The following CCDC12 variants were observed in gnomAD, a reference collection of about 807,000 sequenced individuals.
CCDC12 encodes the protein coiled-coil domain-containing protein 12.
In CCDC12, 28 loss-of-function variants were observed where a neutral mutation model predicts 25.7. That is an observed-to-expected ratio of 1.09 (90% confidence interval 0.81 to 1.50). The LOEUF (loss-of-function observed/expected upper bound fraction) is 1.50. Among genes scored for constraint, CCDC12 ranks in the 40% most tolerant of loss-of-function variants. The pLI is 0.00. For synonymous variants in CCDC12, 75 were observed against 87.7 expected (o/e 0.86, Z 0.81); for missense variants, 198 against 210.0 (o/e 0.94, Z 0.35).
chr3:46,953,874 C>T (rs745851536), intron 1 of CCDC12, among the ~76,000 whole-genome samples: 17 of 152,144 alleles, frequency 1.1e-4, no homozygotes, highest in Non-Finnish European at 2.2e-4. Flanking sequence ...CACCTCCCCA[C>T]CCTCTCACCC....
At chr3:46,932,336 AG>A (rs1295142855) in intron 2 of CCDC12, among the ~76,000 whole-genome samples, 1 of 152,236 alleles carries the variant, frequency 6.6e-6, no homozygotes, top group East Asian at 1.9e-4. Context: ...ATGAGGGCAA[AG>A]GACAATTTAG....
intron 1 of CCDC12, among the ~76,000 whole-genome samples, chr3:46,950,659 T>G (rs1004803174): frequency 6.6e-6 from 1 of 152,312 alleles, no homozygotes; most frequent in African/African-American, 2.4e-5. Flanking sequence ...TGGAGCACAT[T>G]ATCCTTTTCT....
intron 1 of CCDC12, among the ~76,000 whole-genome samples, chr3:46,965,753 G>A (rs2034618501): frequency 6.6e-6 from 1 of 152,200 alleles, no homozygotes; most frequent in Non-Finnish European, 1.5e-5. Context: ...GATTGGCCCT[G>A]TGTGATTGTG....
At chr3:46,943,012 T>C (rs1471154298) in intron 1 of CCDC12, among the ~76,000 whole-genome samples, 2 of 151,938 alleles carry the variant, frequency 1.3e-5, no homozygotes, top group African/African-American at 4.8e-5. Flanking sequence ...AGGCAGGCAA[T>C]GGCCGAACAC....
chr3:46,976,797 A>C, upstream of CCDC12: 1 of 1,551,004 alleles, frequency 6.4e-7, no homozygotes, highest in Non-Finnish European at 8.7e-7. Flanking sequence ...AGAGTGGATA[A>C]ATGTCTCGCG....
intron 1 of CCDC12, among the ~76,000 whole-genome samples, chr3:46,944,570 C>T (rs1423570122): frequency 6.6e-6 from 1 of 151,854 alleles, no homozygotes; most frequent in African/African-American, 2.4e-5. Context: ...CACTCAATAC[C>T]CTTCCCAAAT....
rs73831444 is a variant in CCDC12 at position 46,967,938 on chromosome 3, C to T, written c.96+8699G>A. Among the ~76,000 whole-genome samples, 323 of 152,276 alleles carry T rather than the reference C, an allele frequency of 2.1e-3. 3 individuals carry two copies. The highest frequency in any genetic ancestry group is 7.5e-3 in the African/African-American group (310 of 41,550). Reference sequence around the variant, plus strand: ...GAATTTATAGGCTATATACCAAGACCACAATAGGTCTGAGGTAGGGCCAGA... The same window carrying T: ...GAATTTATAGGCTATATACCAAGACTACAATAGGTCTGAGGTAGGGCCAGA... On this transcript the variant is annotated intron_variant, in intron 1 of 6. Coordinates refer to ENST00000683445, the MANE Select transcript of CCDC12 (RefSeq NM_001277074.2).
chr3:46,953,717 C>G (rs1230035612), intron 1 of CCDC12, among the ~76,000 whole-genome samples: 1 of 151,996 alleles, frequency 6.6e-6, no homozygotes, highest in Non-Finnish European at 1.5e-5. Flanking sequence ...CACACACCAG[C>G]GTCCCTCTGC....
chr3:46,970,611 C>T (rs960800246), intron 1 of CCDC12, among the ~76,000 whole-genome samples: 8 of 152,246 alleles, frequency 5.3e-5, no homozygotes, highest in Non-Finnish European at 1.2e-4. Context: ...ACAGCCAGAC[C>T]TCAGCCCCAA....
chr3:46,931,894 G>A (rs899024698), intron 2 of CCDC12, among the ~76,000 whole-genome samples: 1 of 152,204 alleles, frequency 6.6e-6, no homozygotes, highest in Non-Finnish European at 1.5e-5. Flanking sequence ...AGACACTGGA[G>A]CTCTGCCAGG....
chr3:46,966,671 G>A lies in CCDC12; in HGVS notation c.96+9966C>T, dbSNP rs74593735. On this transcript the variant is annotated intron_variant, in intron 1 of 6. Transcript: ENST00000683445. The stretch of plus-strand genomic sequence containing the variant: ...GGCTATAAGGGCACTGCCTCAGACT[G>A]GCGCTACCCTCCTGAGAGGAGGGAT... Among the ~76,000 whole-genome samples the A allele has an allele frequency of 5.1e-4, 78 of 152,154 alleles. 2 individuals are homozygous for A. The East Asian group carries it at 0.014, about 27-fold the overall frequency.
chr3:46,951,128 G>GT (rs1559558757), intron 1 of CCDC12, among the ~76,000 whole-genome samples: 1 of 151,906 alleles, frequency 6.6e-6, no homozygotes, highest in Non-Finnish European at 1.5e-5. Flanking sequence ...AGTGAGACTC[G>GT]TATCTCAAAA....
intron 2 of CCDC12, among the ~76,000 whole-genome samples, chr3:46,938,860 GA>G (rs376270283): frequency 9.4e-5 from 14 of 148,248 alleles, no homozygotes; most frequent in South Asian, 4.3e-4. Context: ...TCAAAAAAAA[GA>G]AAAAAAAAAT....
chr3:46,935,104 TTGAGCTGG>T (rs2033391793), intron 2 of CCDC12, among the ~76,000 whole-genome samples: 2 of 152,334 alleles, frequency 1.3e-5, no homozygotes, highest in Middle Eastern at 3.4e-3. Context: ...CATGCACACA[TTGAGCTGG>T]GGAACAGATT....
rs563172477 is a variant in CCDC12, at chr3:46,930,017, G to GC, written c.165-4483dup. Among the ~76,000 whole-genome samples, 94 of 103,822 alleles carry GC rather than the reference G, an allele frequency of 9.1e-4. 1 individual carries two copies. Among genetic ancestry groups the GC allele is most frequent in the Non-Finnish European group, 1.4e-3 (76 of 56,152 alleles). 68.1% of individuals were successfully genotyped at this position (103,822 alleles called of 152,430 possible). A position where few individuals can be genotyped will look rare whatever the true frequency, so the allele number is the denominator to read the frequency against. The stretch of plus-strand genomic sequence containing the variant: ...CTGCACTCCAGCCTGGGCGAGAACA[G>GC]CAAGACCCCATCTCAAAAAAAAAAA... On this transcript the variant is annotated intron_variant, in intron 2 of 6. Transcript: ENST00000683445.
chr3:46,949,900 G>A lies in CCDC12; in HGVS notation c.97-8835C>T, dbSNP rs530657367. Among the ~76,000 whole-genome samples, 55 of 151,998 alleles carry A rather than the reference G, an allele frequency of 3.6e-4. No homozygotes were observed. The South Asian group carries it at 9.8e-3, about 27-fold the overall frequency. On this transcript the variant is annotated intron_variant, in intron 1 of 6. Coordinates refer to ENST00000683445, the MANE Select transcript of CCDC12 (RefSeq NM_001277074.2). The stretch of plus-strand genomic sequence containing the variant: ...AAATTAGCCGGGCATGGTGGCGGGC[G>A]CCTGTAGTCCCAGCTACTCGGGAGG...
chr3:46,946,702 G>A (rs761970785), intron 1 of CCDC12, among the ~76,000 whole-genome samples: 4 of 152,224 alleles, frequency 2.6e-5, no homozygotes, highest in Non-Finnish European at 5.9e-5. Context: ...CAGAAGTCAG[G>A]TGAGATCCTC....
At chr3:46,973,613 CTTTT>C (rs758663577) in intron 1 of CCDC12, among the ~76,000 whole-genome samples, 7 of 97,918 alleles carry the variant, frequency 7.1e-5, no homozygotes, top group Non-Finnish European at 1.2e-4. Context: ...TTCTTCTTTT[CTTTT>C]TTTTTTTTTT....
Position 46,921,746 on chromosome 3 carries a change from T to G in CCDC12, c.*311A>C. On this transcript the variant is annotated 3_prime_UTR_variant, in exon 7 of 7. Coordinates refer to ENST00000683445, the MANE Select transcript of CCDC12 (RefSeq NM_001277074.2). ...ACACATTTCTGCCACACACAGGGGT[T>G]TACTTGTTTCTATTTCCAGATTTTT... 5.5e-6 allele frequency: 2 copies of G among 366,222 alleles called. No homozygotes were observed. 22.7% of individuals were successfully genotyped at this position (366,222 alleles called of 1,614,324 possible).
Sources: allele counts gnomAD v4.1 joint callset (sites outside exome capture counted in the v4.1 genomes callset), GRCh38; gene constraint gnomAD v4.1.1; transcripts MANE v1.5; gene names NCBI Gene and HGNC (gene_info 2026-07-23, HGNC 2026-07-21).